Variants in RNF144A observed in about 807,000 individuals in gnomAD.
RNF144A encodes E3 ubiquitin-protein ligase RNF144A.
A neutral mutation model predicts 38.7 loss-of-function variants in RNF144A; 11 were observed. That is an observed-to-expected ratio of 0.28 (90% confidence interval 0.18 to 0.47). RNF144A has a LOEUF of 0.47. Ranked by LOEUF, RNF144A falls within the 20% of genes least tolerant of loss-of-function variation. The pLI is 0.99. For missense variants in RNF144A, 316 were observed against 377.2 expected (o/e 0.84, Z 1.34); for synonymous variants, 149 against 143.9 (o/e 1.04, Z -0.25).
chr2:6,933,201 C>T (rs1665316766), intron 1 of RNF144A: 1 of 152,194 alleles, frequency 6.6e-6, no homozygotes, highest in South Asian at 2.1e-4. Context: ...CTTTGGAACC[C>T]TTTACGTACG....
intron 2 of RNF144A, among the ~76,000 whole-genome samples, chr2:6,960,081 GC>G (rs1473790630): frequency 1.3e-5 from 2 of 152,208 alleles, no homozygotes; most frequent in Non-Finnish European, 2.9e-5. Flanking sequence ...TGAATGTCTT[GC>G]CCCTAGTATC....
intron 6 of RNF144A, among the ~76,000 whole-genome samples, chr2:7,023,533 C>T (rs2103433905): frequency 6.6e-6 from 1 of 152,258 alleles, no homozygotes; most frequent in Admixed American, 6.5e-5. Flanking sequence ...AGTGATAACT[C>T]CTCTTAACAG....
chr2:6,964,092 A>C (rs952199863), intron 2 of RNF144A, among the ~76,000 whole-genome samples: 1 of 152,096 alleles, frequency 6.6e-6, no homozygotes, highest in Non-Finnish European at 1.5e-5. Flanking sequence ...GAAAACAAAA[A>C]AACACAACAC....
intron 2 of RNF144A, among the ~76,000 whole-genome samples, chr2:6,993,422 A>G (rs1669521846): frequency 6.6e-6 from 1 of 152,202 alleles, no homozygotes; most frequent in Admixed American, 6.5e-5. Context: ...CTGTGCCAGG[A>G]GGTCACAACA....
intron 6 of RNF144A, 193 bp downstream of exon 6, chr2:7,020,873 G>A: frequency 1.7e-6 from 1 of 599,494 alleles, no homozygotes; most frequent in Non-Finnish European, 3.0e-6. Flanking sequence ...AACTGACTAT[G>A]TACCAGGCAC....
chr2:6,987,701 T>C (rs778902591), intron 2 of RNF144A, among the ~76,000 whole-genome samples: 1 of 152,188 alleles, frequency 6.6e-6, no homozygotes, highest in African/African-American at 2.4e-5. Flanking sequence ...GCTGTTTCTC[T>C]AGTGAATTTG....
intron 6 of RNF144A, among the ~76,000 whole-genome samples, chr2:7,066,092 C>CT (rs1174944182): frequency 1.5e-5 from 2 of 136,600 alleles, no homozygotes; most frequent in African/African-American, 5.5e-5. Context: ...TTTTTTTTTT[C>CT]TTTTTTTCTT....
At position 7,041,100 on chromosome 2, in the gene RNF144A, G is replaced by GA. The variant is rs1673016642; in HGVS notation, c.*1342dup. On this transcript the variant is annotated 3_prime_UTR_variant, in exon 9 of 9. Transcript: ENST00000320892. ...GTGCTTTTACAAAGCAAACTGCATT[G>GA]AATTTAAAACTTCTAAAAATAACAG... 1.0e-6 allele frequency: 1 copy of GA among 983,026 alleles called. No homozygotes were observed. The highest frequency in any genetic ancestry group is 1.2e-6 in the Non-Finnish European group (1 of 827,766). The allele number at this position is 983,026 out of a possible 1,614,324, so 60.9% of individuals were successfully genotyped here.
intron 1 of RNF144A, among the ~76,000 whole-genome samples, chr2:6,930,727 G>T (rs1665153765): frequency 2.0e-5 from 3 of 152,060 alleles, no homozygotes; most frequent in South Asian, 4.1e-4. Context: ...GAATAGCTGG[G>T]ACCACAGGTG....
Position 7,055,368 on chromosome 2 carries a change from C to A in RNF144A, c.735-12848C>A, listed in dbSNP as rs372497077. 2.4e-3 allele frequency among the ~76,000 whole-genome samples: 365 copies of A among 152,296 alleles called. 1 individual carries two copies. Among genetic ancestry groups the A allele is most frequent in the African/African-American group, 8.5e-3 (352 of 41,562 alleles). ...GGTCTCAAAAGTTCTTAAAATTACACCTGCTCCCAAATTAATGTTTGAAAC... is the reference window on the plus strand; with the variant it reads ...GGTCTCAAAAGTTCTTAAAATTACAACTGCTCCCAAATTAATGTTTGAAAC... On this transcript the variant is annotated intron_variant, in intron 6 of 6. Coordinates refer to the RNF144A transcript ENST00000432850.
downstream of RNF144A, among the ~76,000 whole-genome samples, chr2:7,045,692 T>C (rs1463321524): frequency 1.3e-5 from 2 of 152,192 alleles, no homozygotes. Flanking sequence ...CAACACTTTT[T>C]GTGGGAAACA....
chr2:6,919,707 G>C (rs1174772735), intron 1 of RNF144A, among the ~76,000 whole-genome samples: 1 of 152,174 alleles, frequency 6.6e-6, no homozygotes, highest in Non-Finnish European at 1.5e-5. Context: ...GACCTCATGA[G>C]AAAATGGGTG....
At chr2:7,051,438 T>C (rs1255411269) in intron 6 of RNF144A, among the ~76,000 whole-genome samples, 3 of 152,052 alleles carry the variant, frequency 2.0e-5, no homozygotes, top group Non-Finnish European at 4.4e-5. Flanking sequence ...CAATAAGATA[T>C]GGGATTTGCC....
intron 2 of RNF144A, among the ~76,000 whole-genome samples, chr2:6,967,849 G>A (rs1424295625): frequency 6.6e-6 from 1 of 152,034 alleles, no homozygotes; most frequent in Admixed American, 6.6e-5. Flanking sequence ...AAACTCAAAA[G>A]CTCGCTGGAA....
chr2:6,963,339 G>A (rs1012437176), intron 2 of RNF144A, among the ~76,000 whole-genome samples: 8 of 152,202 alleles, frequency 5.3e-5, no homozygotes, highest in Admixed American at 2.6e-4. Context: ...ATTCTGATCC[G>A]ATTTACCTTC....
intron 1 of RNF144A, among the ~76,000 whole-genome samples, chr2:6,924,952 C>T (rs1381455051): frequency 1.3e-5 from 2 of 152,218 alleles, no homozygotes; most frequent in African/African-American, 2.4e-5. Context: ...TGTGGGCTTC[C>T]AGAGACCTTG....
chr2:7,010,134 A>G (rs1045466271), intron 3 of RNF144A, among the ~76,000 whole-genome samples: 1 of 152,210 alleles, frequency 6.6e-6, no homozygotes, highest in African/African-American at 2.4e-5. Flanking sequence ...ACCCTTGCGG[A>G]GCGTGTAAGC....
downstream of RNF144A, among the ~76,000 whole-genome samples, chr2:7,046,222 A>G (rs1263588872): frequency 1.3e-5 from 2 of 152,340 alleles, no homozygotes; most frequent in South Asian, 2.1e-4. Context: ...ATCTCTGTCT[A>G]TACCAGTGAG....
At chr2:6,955,695 G>A (rs568539052) in intron 2 of RNF144A, among the ~76,000 whole-genome samples, 247 of 152,218 alleles carry the variant, frequency 1.6e-3, no homozygotes, top group Middle Eastern at 3.4e-3. Flanking sequence ...TCCTAGCACC[G>A]TGCCTGCTCC....
Sources: gnomAD v4.1 joint callset for allele counts (sites outside exome capture counted in the v4.1 genomes callset) on GRCh38, gnomAD v4.1.1 for gene constraint, MANE v1.5 for transcripts, NCBI Gene and HGNC (gene_info 2026-07-23, HGNC 2026-07-21) for gene names.